The following ADAMTS19 variants were observed in gnomAD, a reference collection of about 807,000 sequenced individuals.
The protein encoded by ADAMTS19 is A disintegrin and metalloproteinase with thrombospondin motifs 19.
A neutral mutation model predicts 153.3 loss-of-function variants in ADAMTS19; 93 were observed. The observed-to-expected ratio is 0.61, with a 90% CI of 0.51 to 0.72. The LOEUF is 0.72. Ranked by LOEUF, ADAMTS19 falls within the 30% of genes least tolerant of loss-of-function variation. The pLI is 0.00. For missense variants in ADAMTS19, 1,482 were observed against 1,552.1 expected, an observed-to-expected ratio of 0.95 and a Z score of 0.76; for synonymous variants, 600 against 556.6, an observed-to-expected ratio of 1.08 and a Z score of -1.10.
At chr5:129,548,573 T>C (rs1406791256) in intron 6 of ADAMTS19, among the ~76,000 whole-genome samples, 1 of 151,418 alleles carries the variant, frequency 6.6e-6, no homozygotes, top group Non-Finnish European at 1.5e-5. Flanking sequence ...TTTACACTGT[T>C]GTTGGGACTG....
rs1034037473 is a variant in ADAMTS19 at position 129,622,123 on chromosome 5, CTTG to C, written c.1620-70_1620-68del. On this transcript the variant is annotated intron_variant, in intron 9 of 22. Coordinates refer to ENST00000274487, the MANE Select transcript of ADAMTS19 (RefSeq NM_133638.6). ...TATTTTTGATATTATTAAAGTGTTT[CTTG>C]TTGTATGCTAACCAATCATATCAGC... is the stretch of plus-strand genomic sequence containing the variant. The C allele has an allele frequency of 6.1e-6, 9 of 1,465,680 alleles. No homozygotes were observed. The Admixed American group carries it at 1.2e-4, about 20-fold the overall frequency. The allele number at this position is 1,465,680 out of a possible 1,614,324, so 90.8% of individuals were successfully genotyped here. A position where few individuals can be genotyped will look rare whatever the true frequency, so the allele number is the denominator to read the frequency against.
chr5:129,659,107 C>G (rs1753718006), intron 15 of ADAMTS19, among the ~76,000 whole-genome samples: 1 of 152,118 alleles, frequency 6.6e-6, no homozygotes, highest in Admixed American at 6.5e-5. Context: ...GAATAGGAAT[C>G]CTCTGGTTTT....
chr5:129,480,696 T>C (rs960166077), intron 2 of ADAMTS19, among the ~76,000 whole-genome samples: 1 of 152,142 alleles, frequency 6.6e-6, no homozygotes, highest in Non-Finnish European at 1.5e-5. Flanking sequence ...ACATAAAAGT[T>C]CTCAAAGATT....
At chr5:129,635,886 C>T (rs764485396) in intron 10 of ADAMTS19, among the ~76,000 whole-genome samples, 1 of 151,962 alleles carries the variant, frequency 6.6e-6, no homozygotes, top group South Asian at 2.1e-4. Flanking sequence ...TGAACTTAAA[C>T]GTTCAATTTA....
chr5:129,600,703 T>C (rs1204895440), intron 8 of ADAMTS19, among the ~76,000 whole-genome samples: 1 of 152,272 alleles, frequency 6.6e-6, no homozygotes, highest in East Asian at 1.9e-4. Context: ...AGCAAAAATG[T>C]ATCGACTTTC....
rs1027756483 is a variant in ADAMTS19 at position 129,738,288 on chromosome 5, T to C, written c.*1070T>C. The C allele has an allele frequency of 6.6e-6, 1 of 152,064 alleles. No individual in the cohort carries two copies. Among genetic ancestry groups the C allele is most frequent in the African/African-American group, 2.4e-5 (1 of 41,424 alleles). The allele number at this position is 152,064 out of a possible 1,614,324, so 9.4% of individuals were successfully genotyped here. On this transcript the variant is annotated 3_prime_UTR_variant, in exon 23 of 23. Coordinates refer to ENST00000274487, the MANE Select transcript of ADAMTS19 (RefSeq NM_133638.6). ...TCTTGTGAGAAAATATTATACATGA[T>C]TCACATGATTTCTTAGATTTTTCAA...
At chr5:129,597,066 A>T (rs1301074439) in intron 8 of ADAMTS19, among the ~76,000 whole-genome samples, 2 of 152,228 alleles carry the variant, frequency 1.3e-5, no homozygotes, top group East Asian at 3.8e-4. Context: ...TAAGTGAAGG[A>T]ATTAACCCGC....
intron 17 of ADAMTS19, among the ~76,000 whole-genome samples, chr5:129,680,713 G>T (rs1383090211): frequency 6.8e-6 from 1 of 146,558 alleles, no homozygotes; most frequent in African/African-American, 2.6e-5. Flanking sequence ...AGTGAGCAGA[G>T]ATCAAGCCAC....
intron 10 of ADAMTS19, among the ~76,000 whole-genome samples, chr5:129,632,156 G>A (rs1752326992): frequency 6.6e-6 from 1 of 152,006 alleles, no homozygotes; most frequent in Non-Finnish European, 1.5e-5. Flanking sequence ...GTAATGGGAT[G>A]AGCAAGACAG....
chr5:129,700,902 T>TA lies in ADAMTS19; in HGVS notation c.2955-475dup, dbSNP rs369893784. On this transcript the variant is annotated intron_variant, in intron 19 of 22. Coordinates refer to ENST00000274487, the MANE Select transcript of ADAMTS19 (RefSeq NM_133638.6). ...CTTGCAGAAAACTATTGTGTTTGGT[T>TA]AAAAAAAAAAAGGTATAAAGTCTCC... 7.4e-4 allele frequency among the ~76,000 whole-genome samples: 106 copies of TA among 143,646 alleles called. No homozygotes were observed. The East Asian group carries it at 7.5e-3, about 10-fold the overall frequency. 94.2% of individuals were successfully genotyped at this position (143,646 alleles called of 152,430 possible). A position where few individuals can be genotyped will look rare whatever the true frequency, so the allele number is the denominator to read the frequency against.
At chr5:129,656,310 T>A (rs535035648) in intron 14 of ADAMTS19, among the ~76,000 whole-genome samples, 15 of 152,220 alleles carry the variant, frequency 9.9e-5, no homozygotes, top group Non-Finnish European at 1.8e-4. Context: ...CTTCATTTAG[T>A]CTTTCAGTAA....
At chr5:129,497,912 A>G (rs902042792) in intron 2 of ADAMTS19, among the ~76,000 whole-genome samples, 8 of 151,936 alleles carry the variant, frequency 5.3e-5, no homozygotes, top group Non-Finnish European at 8.8e-5. Context: ...CTGTTTTCTG[A>G]AAAAAAGCAA....
intron 4 of ADAMTS19, 58 bp downstream of exon 4, chr5:129,526,514 G>T: frequency 6.9e-7 from 1 of 1,449,174 alleles, no homozygotes; most frequent in South Asian, 1.3e-5. Context: ...AGGAAGACAT[G>T]TGTGAGTATT....
chr5:129,718,065 T>G (rs1431075138), intron 21 of ADAMTS19, among the ~76,000 whole-genome samples: 1 of 152,210 alleles, frequency 6.6e-6, no homozygotes, highest in East Asian at 1.9e-4. Flanking sequence ...TGATTTCTGA[T>G]CTGAGTTCTC....
At chr5:129,627,102 G>A (rs1475133012) in intron 10 of ADAMTS19, among the ~76,000 whole-genome samples, 1 of 152,034 alleles carries the variant, frequency 6.6e-6, no homozygotes, top group Admixed American at 6.6e-5. Flanking sequence ...AATGTAAGCA[G>A]GTCCATGATA....
At chr5:129,496,785 G>A (rs1750939762) in intron 2 of ADAMTS19, among the ~76,000 whole-genome samples, 1 of 152,016 alleles carries the variant, frequency 6.6e-6, no homozygotes, top group African/African-American at 2.4e-5. Flanking sequence ...TTAACAACTA[G>A]GTGTACAATT....
At position 129,589,540 on chromosome 5, in the gene ADAMTS19, T is replaced by G. The variant is rs147106246; in HGVS notation, c.1373-7019T>G. ...ATCACAGATCAGTGAAAGTTTTTAT[T>G]CTCAAAAAACTGTTTATTACACCAA... On this transcript the variant is annotated intron_variant, in intron 7 of 22. Transcript: ENST00000274487. Among the ~76,000 whole-genome samples, 935 of 152,168 alleles carry G rather than the reference T, an allele frequency of 6.1e-3. 3 individuals are homozygous for G. The highest frequency in any genetic ancestry group is 9.3e-3 in the Non-Finnish European group (634 of 67,910).
intron 7 of ADAMTS19, among the ~76,000 whole-genome samples, chr5:129,556,467 T>A (rs1450553063): frequency 6.6e-6 from 1 of 152,224 alleles, no homozygotes; most frequent in African/African-American, 2.4e-5. Flanking sequence ...ATTTTTGTGG[T>A]AGGCAGAATA....
intron 6 of ADAMTS19, among the ~76,000 whole-genome samples, chr5:129,533,813 G>T (rs906793977): frequency 1.3e-5 from 2 of 151,994 alleles, no homozygotes; most frequent in African/African-American, 4.8e-5. Flanking sequence ...CTCGTTGGTT[G>T]CAAAGAACAT....
Sources: gnomAD v4.1 joint callset for allele counts (sites outside exome capture counted in the v4.1 genomes callset) on GRCh38, gnomAD v4.1.1 for gene constraint, MANE v1.5 for transcripts, NCBI Gene and HGNC (gene_info 2026-07-23, HGNC 2026-07-21) for gene names.